EIF2AK4: variants seen among roughly 807,000 people sequenced by gnomAD.
EIF2AK4 encodes the protein eIF-2-alpha kinase GCN2.
In EIF2AK4, 139 loss-of-function variants were observed where a neutral mutation model predicts 211.1. The ratio of observed to expected loss-of-function variants is 0.66; its 90% confidence interval spans 0.57 to 0.76. The LOEUF is 0.76. Among genes scored for constraint, EIF2AK4 ranks in the 30% least tolerant of loss-of-function variants. The pLI is 0.00. For missense variants in EIF2AK4, 1,664 were observed against 2,043.8 expected (o/e 0.81, Z 3.58); for synonymous variants, 710 against 751.3 (o/e 0.94, Z 0.90).
At chr15:40,020,698 A>G (rs2035374298) in intron 30 of EIF2AK4, 1 of 330,528 alleles carries the variant, frequency 3.0e-6, no homozygotes, top group Non-Finnish European at 5.5e-6. Flanking sequence ...CAGAAAAAAA[A>G]AGAAAAAGTT....
chr15:40,030,165 C>T (rs1033690352), intron 34 of EIF2AK4, among the ~76,000 whole-genome samples, 194 bp from the exon 35 acceptor site: 1 of 152,138 alleles, frequency 6.6e-6, no homozygotes, highest in Non-Finnish European at 1.5e-5. Flanking sequence ...ATCAAAACTG[C>T]TGGGTGTTGG....
rs2034952802 is a variant in EIF2AK4, at chr15:39,992,166, TA to T, written c.2632-8del. On this transcript the variant is annotated splice_region_variant and splice_polypyrimidine_tract_variant and intron_variant, in intron 16 of 38. Transcript: ENST00000263791. ...TTTAATTGGATATTTGGCTTACTTA[TA>T]TTTTTAGGCTGACAGCAAACAAGAC... The T allele has an allele frequency of 6.2e-7, 1 of 1,609,646 alleles. No homozygotes were observed. The highest frequency in any genetic ancestry group is 8.5e-7 in the Non-Finnish European group (1 of 1,178,086).
intron 14 of EIF2AK4, among the ~76,000 whole-genome samples, chr15:39,986,718 G>C (rs955223397): frequency 1.1e-4 from 16 of 152,208 alleles, no homozygotes; most frequent in African/African-American, 3.9e-4. Context: ...AGCCAGGCAT[G>C]GTGGTGTGCT....
At chr15:40,014,304 A>C (rs1567005484) in intron 27 of EIF2AK4, among the ~76,000 whole-genome samples, 1 of 152,250 alleles carries the variant, frequency 6.6e-6, no homozygotes, top group Non-Finnish European at 1.5e-5. Flanking sequence ...CTGCCCTAGC[A>C]GAGGTTCTCC....
intron 27 of EIF2AK4, among the ~76,000 whole-genome samples, chr15:40,011,879 A>T (rs576463112): frequency 9.2e-5 from 14 of 152,310 alleles, no homozygotes; most frequent in African/African-American, 3.1e-4. Context: ...TGGAATAAAC[A>T]GTTTGGTCAT....
intron 1 of EIF2AK4, among the ~76,000 whole-genome samples, chr15:39,934,709 C>T (rs1299978015): frequency 6.6e-6 from 1 of 152,230 alleles, no homozygotes; most frequent in Non-Finnish European, 1.5e-5. Context: ...ATACGCGCCC[C>T]TTGCTACTTT....
Position 39,949,260 on chromosome 15 carries a change from G to A in EIF2AK4, c.505G>A (p.Glu169Lys). 6.2e-7 allele frequency: 1 copy of A among 1,613,986 alleles called. No homozygotes were observed. The highest frequency in any genetic ancestry group is 1.1e-5 in the South Asian group (1 of 91,076). Residue 169 changes from glutamate (E) to lysine (K), a missense_variant, in exon 4 of 39, where the codon GAG becomes AAG. Coordinates refer to ENST00000263791, the MANE Select transcript of EIF2AK4 (RefSeq NM_001013703.4). Reference sequence around the variant, plus strand: ...GCTGTTGGAGGCCAAGCGGAAAGAAGAGCAGGAGGTGAGATGCCCTTGTCG... The same window carrying A: ...GCTGTTGGAGGCCAAGCGGAAAGAAAAGCAGGAGGTGAGATGCCCTTGTCG... ...QRLLEAKRKEEQEQREILHEI... is the reference protein window; with the variant it reads ...QRLLEAKRKEKQEQREILHEI...
At chr15:40,016,377 T>G in intron 27 of EIF2AK4, 125 bp from the exon 28 acceptor site, 1 of 1,204,562 alleles carries the variant, frequency 8.3e-7, no homozygotes, top group Non-Finnish European at 1.2e-6. Context: ...CCTAAAATAA[T>G]CTTTGACCAC....
chr15:39,963,880 G>A (rs2140910941), intron 7 of EIF2AK4, among the ~76,000 whole-genome samples: 1 of 152,194 alleles, frequency 6.6e-6, no homozygotes, highest in South Asian at 2.1e-4. Context: ...GTCCCAATTA[G>A]GGAAACAAAT....
intron 8 of EIF2AK4, 137 bp downstream of exon 8, chr15:39,965,980 C>T: frequency 8.4e-7 from 1 of 1,196,464 alleles, no homozygotes; most frequent in African/African-American, 1.5e-5. Flanking sequence ...CCAGGGAGGA[C>T]AGTGAAGGAC....
In EIF2AK4 at chr15:39,988,105, A is replaced by G. The variant is rs1566995651; in HGVS notation, c.2526A>G (p.Lys842=). 1.2e-6 allele frequency: 2 copies of G among 1,614,002 alleles called. No individual in the cohort carries two copies. The highest frequency in any genetic ancestry group is 1.7e-6 in the Non-Finnish European group (2 of 1,179,962). ...ILDGLAYIHE[K]GMIHRDLKPV... ...ATGGATTAGCTTATATCCATGAGAA[A>G]GTAAACTTTACAACATTTCATATCT... Residue 842 remains lysine (K), a splice_region_variant and synonymous_variant, in exon 15 of 39, where the codon AAA becomes AAG. Coordinates refer to ENST00000263791, the MANE Select transcript of EIF2AK4 (RefSeq NM_001013703.4).
At chr15:40,002,620 C>A in intron 21 of EIF2AK4, 93 bp from the exon 22 acceptor site, 2 of 1,287,086 alleles carry the variant, frequency 1.6e-6, no homozygotes, top group Non-Finnish European at 2.3e-6. Context: ...TGGAAATAAG[C>A]AGTGTAGTGC....
chr15:39,938,131 A>G (rs981218514), intron 1 of EIF2AK4, among the ~76,000 whole-genome samples: 1 of 152,100 alleles, frequency 6.6e-6, no homozygotes, highest in Non-Finnish European at 1.5e-5. Flanking sequence ...TTATGTGTTT[A>G]TTATGTTTGT....
At chr15:40,017,263 T>G in intron 29 of EIF2AK4, 21 bp downstream of exon 29, 1 of 1,586,992 alleles carries the variant, frequency 6.3e-7, no homozygotes, top group Non-Finnish European at 8.6e-7. Flanking sequence ...GCCCTTTATT[T>G]ATTTGCTCTG....
intron 32 of EIF2AK4, among the ~76,000 whole-genome samples, chr15:40,024,403 C>CTTTTTTTT (rs554877205): frequency 1.1e-5 from 1 of 90,742 alleles, no homozygotes; most frequent in Non-Finnish European, 2.1e-5. Context: ...TTGAGTTTTC[C>CTTTTTTTT]TTTTTTTTTT....
intron 4 of EIF2AK4, 101 bp downstream of exon 4, chr15:39,949,369 T>TTGC (rs2034275770): frequency 6.7e-7 from 1 of 1,489,196 alleles, no homozygotes; most frequent in Non-Finnish European, 9.0e-7. Flanking sequence ...TCTTTAAGTT[T>TTGC]TGCTCAGCCT....
At chr15:39,985,721 G>T in intron 13 of EIF2AK4, 84 bp from the exon 14 acceptor site, 1 of 1,302,472 alleles carries the variant, frequency 7.7e-7, no homozygotes, top group South Asian at 1.3e-5. Flanking sequence ...TGTGTTGGGG[G>T]TGGGCACAAA....
intron 17 of EIF2AK4, chr15:39,992,490 T>G: frequency 1.8e-6 from 1 of 545,900 alleles, no homozygotes; most frequent in Non-Finnish European, 3.2e-6. Context: ...CTAACCTCCA[T>G]TGGTAATGTG....
rs769072615 is a variant in EIF2AK4, at chr15:39,997,018, A to G, written c.2821A>G (p.Met941Val). 1 of 1,614,086 alleles carries G rather than the reference A, an allele frequency of 6.2e-7. No individual in the cohort carries two copies. Among genetic ancestry groups the G allele is most frequent in the East Asian group, 2.2e-5 (1 of 44,858 alleles). Residue 941 changes from methionine to valine, a missense_variant, in exon 19 of 39, where the codon ATG becomes GTG. Physicochemically the swap from Met to Val is conservative, Grantham distance 21. Coordinates refer to ENST00000263791, the MANE Select transcript of EIF2AK4 (RefSeq NM_001013703.4). ...CTTCTTTGAGATGTCCTATCACCCC[A>G]TGGTCACGGCTTCAGAAAGGATCTT... Reference protein sequence around the residue: ...IIFFEMSYHPMVTASERIFVL... With the variant: ...IIFFEMSYHPVVTASERIFVL...
Sources: gnomAD v4.1 joint callset for allele counts (sites outside exome capture counted in the v4.1 genomes callset) on GRCh38, gnomAD v4.1.1 for gene constraint, MANE v1.5 for transcripts, NCBI Gene and HGNC (gene_info 2026-07-23, HGNC 2026-07-21) for gene names.